PSD3: variants seen among roughly 807,000 people sequenced by gnomAD.
PSD3 encodes pleckstrin and Sec7 domain containing 3, also known as PH and SEC7 domain-containing protein 3.
A neutral mutation model predicts 105.5 loss-of-function variants in PSD3; 49 were observed. The ratio of observed to expected loss-of-function variants is 0.46; its 90% CI spans 0.37 to 0.59. The LOEUF is 0.59. PSD3 is among the 20% of genes least tolerant of loss of function. PSD3 has a pLI of 0.00. For synonymous variants in PSD3, 557 were observed against 457.8 expected, an observed-to-expected ratio of 1.22 and a Z score of -2.77; for missense variants, 1,561 against 1,263.8, an observed-to-expected ratio of 1.24 and a Z score of -3.57.
chr8:18,535,770 T>C lies in PSD3; in HGVS notation c.3117A>G (p.Thr1039=), dbSNP rs2129904747. ...AAGTAACTTTTTGCTTAATGCTTGG[T>C]GTTTCAGGTCGGTGATCCTTCCTCT... ...VSERKDHRPE[T]PSIKQKVT is the part of the protein sequence containing the mutation. Residue 1039 remains threonine, a synonymous_variant, in exon 16 of 16, where the codon ACA becomes ACG. Coordinates refer to ENST00000327040, the MANE Select transcript of PSD3 (RefSeq NM_015310.4). 1 of 1,613,950 alleles carries C rather than the reference T, an allele frequency of 6.2e-7. No homozygotes were observed. The highest frequency in any genetic ancestry group is 8.5e-7 in the Non-Finnish European group (1 of 1,179,804).
intron 2 of PSD3, among the ~76,000 whole-genome samples, chr8:18,894,343 T>G (rs1819004640): frequency 6.6e-6 from 1 of 152,160 alleles, no homozygotes; most frequent in South Asian, 2.1e-4. Context: ...CATGAAAACC[T>G]CAAAATGACT....
At chr8:18,636,193 G>A (rs911986264) in intron 10 of PSD3, among the ~76,000 whole-genome samples, 14 of 152,118 alleles carry the variant, frequency 9.2e-5, no homozygotes, top group African/African-American at 1.4e-4. Context: ...CTAAGCCAGC[G>A]TGTGTATTTG....
intron 9 of PSD3, among the ~76,000 whole-genome samples, chr8:18,758,065 A>C (rs1806203959): frequency 6.6e-6 from 1 of 152,190 alleles, no homozygotes; most frequent in Non-Finnish European, 1.5e-5. Flanking sequence ...GTTGTAAGAA[A>C]AGAACAGAGT....
chr8:18,735,102 T>G (rs536455401), intron 9 of PSD3, among the ~76,000 whole-genome samples: 2 of 152,318 alleles, frequency 1.3e-5, no homozygotes, highest in African/African-American at 4.8e-5. Flanking sequence ...GTCTGTTGAT[T>G]AATCCTACAT....
At chr8:18,681,395 C>T (rs1185303829) in intron 9 of PSD3, among the ~76,000 whole-genome samples, 4 of 148,270 alleles carry the variant, frequency 2.7e-5, no homozygotes, top group Non-Finnish European at 5.9e-5. Context: ...CTGCTTGAGC[C>T]CAGGAGTTGG....
intron 2 of PSD3, among the ~76,000 whole-genome samples, chr8:18,889,369 CAG>C (rs1408830860): frequency 6.6e-6 from 1 of 152,028 alleles, no homozygotes; most frequent in Non-Finnish European, 1.5e-5. Context: ...TTCCTAGAGA[CAG>C]AAAACACCCC....
chr8:19,063,907 C>T (rs548177465), intron 1 of PSD3, among the ~76,000 whole-genome samples: 5 of 152,118 alleles, frequency 3.3e-5, no homozygotes, highest in Non-Finnish European at 4.4e-5. Context: ...TTTGGGAGGC[C>T]GAAGTGGGTG....
chr8:18,947,207 G>C (rs1416865000), intron 1 of PSD3, among the ~76,000 whole-genome samples: 1 of 152,164 alleles, frequency 6.6e-6, no homozygotes, highest in Non-Finnish European at 1.5e-5. Context: ...AAACCAGGTA[G>C]CTGAAAGGCC....
intron 12 of PSD3, among the ~76,000 whole-genome samples, chr8:18,595,378 A>G (rs1804015026): frequency 6.6e-6 from 1 of 151,798 alleles, no homozygotes; most frequent in South Asian, 2.1e-4. Context: ...TCTATCGATA[A>G]TTACTTTAAA....
At position 18,813,380 on chromosome 8, in the gene PSD3, C is replaced by A. The variant is rs187813728; in HGVS notation, c.1635-8482G>T. On this transcript the variant is annotated intron_variant, in intron 4 of 15. Coordinates refer to ENST00000327040, the MANE Select transcript of PSD3 (RefSeq NM_015310.4). ...TTAACCAGGCAGAGCTGTCTGGTAG[C>A]AATGGCAACCATCCCCTGTCTGCAA... Among the ~76,000 whole-genome samples, 484 of 152,266 alleles carry A rather than the reference C, an allele frequency of 3.2e-3. 4 individuals carry two copies. Among genetic ancestry groups the A allele is most frequent in the African/African-American group, 0.01 (416 of 41,538 alleles).
intron 1 of PSD3, among the ~76,000 whole-genome samples, chr8:19,010,704 A>G (rs1826912308): frequency 6.6e-6 from 1 of 152,128 alleles, no homozygotes; most frequent in Non-Finnish European, 1.5e-5. Flanking sequence ...TGCATACAAT[A>G]TCACAAACAA....
chr8:18,901,118 A>G (rs966968654), intron 2 of PSD3, among the ~76,000 whole-genome samples: 8 of 152,238 alleles, frequency 5.3e-5, no homozygotes, highest in African/African-American at 1.9e-4. Context: ...ATAAATGATT[A>G]AACTAGTATC....
Position 18,589,747 on chromosome 8 carries a change from G to A in PSD3, c.2481+10617C>T, listed in dbSNP as rs751148649. 2.0e-3 allele frequency among the ~76,000 whole-genome samples: 306 copies of A among 152,292 alleles called. 1 individual carries two copies. The highest frequency in any genetic ancestry group is 3.1e-3 in the Non-Finnish European group (211 of 68,028). ...CCTGAAATGAGCCAAGGAGATGGGC[G>A]AGGAGGCGAGGGCTTCTAAGCAGAA... is the stretch of plus-strand genomic sequence containing the variant. On this transcript the variant is annotated intron_variant, in intron 12 of 15. Coordinates refer to ENST00000327040, the MANE Select transcript of PSD3 (RefSeq NM_015310.4).
intron 8 of PSD3, among the ~76,000 whole-genome samples, chr8:18,769,098 T>TA (rs77819510): frequency 0.21 from 31,237 of 152,098 alleles, 3,568 homozygotes; most frequent in South Asian, 0.33. Context: ...TGTCTCAAGG[T>TA]AAAAAAATAA....
chr8:19,037,050 T>C (rs540892311), intron 1 of PSD3, among the ~76,000 whole-genome samples: 2 of 152,366 alleles, frequency 1.3e-5, no homozygotes, highest in East Asian at 3.9e-4. Context: ...CTTGGGATCA[T>C]CCCATGTGAC....
At chr8:18,537,356 C>A (rs2129923991) in intron 15 of PSD3, among the ~76,000 whole-genome samples, 1 of 152,274 alleles carries the variant, frequency 6.6e-6, no homozygotes, top group East Asian at 1.9e-4. Context: ...AAACCCACGG[C>A]TCTTAAGCTA....
At chr8:18,843,640 A>G (rs1234460710) in intron 4 of PSD3, among the ~76,000 whole-genome samples, 1 of 152,182 alleles carries the variant, frequency 6.6e-6, no homozygotes. Flanking sequence ...CGGTACAAAG[A>G]ATAGAGAAGT....
At chr8:18,875,376 T>G (rs532089802) in intron 2 of PSD3, among the ~76,000 whole-genome samples, 8 of 152,266 alleles carry the variant, frequency 5.3e-5, no homozygotes, top group African/African-American at 1.7e-4. Context: ...AAAAAGATGA[T>G]AGCTAAAAAC....
In PSD3 at chr8:18,585,839, T is replaced by C. The variant is rs534150198; in HGVS notation, c.2482-10554A>G. Among the ~76,000 whole-genome samples, 39 of 152,306 alleles carry C rather than the reference T, an allele frequency of 2.6e-4. No homozygotes were observed. In the East Asian group the frequency reaches 7.1e-3, roughly 28 times the overall value. On this transcript the variant is annotated intron_variant, in intron 12 of 15. Transcript: ENST00000327040. ...GAAATGAGTTGAGGTTCGCAGAGGA[T>C]AATTAACTGCTCCAAATCAGCAATT...
Sources: allele counts gnomAD v4.1 joint callset (sites outside exome capture counted in the v4.1 genomes callset), GRCh38; gene constraint gnomAD v4.1.1; transcripts MANE v1.5; gene names NCBI Gene and HGNC (gene_info 2026-07-23, HGNC 2026-07-21).